MACROD2: variants seen among roughly 807,000 people sequenced by gnomAD.
MACROD2 encodes the protein mono-ADP ribosylhydrolase 2.
Under a neutral mutation model 70.4 loss-of-function variants are expected in MACROD2, and 36 were observed. The ratio of observed to expected loss-of-function variants is 0.51; its 90% CI spans 0.39 to 0.68. The LOEUF (loss-of-function observed/expected upper bound fraction) is 0.68, where lower values mean the gene tolerates loss of function less well. Among genes scored for constraint, MACROD2 ranks in the 30% least tolerant of loss-of-function variants. MACROD2 has a pLI of 0.00. For synonymous variants in MACROD2, 172 were observed against 178.8 expected (o/e 0.96, Z 0.30); for missense variants, 496 against 538.4 (o/e 0.92, Z 0.78).
intron 8 of MACROD2, among the ~76,000 whole-genome samples, chr20:15,579,010 A>G (rs2048487583): frequency 6.6e-6 from 1 of 152,246 alleles, no homozygotes; most frequent in Non-Finnish European, 1.5e-5. Context: ...TGAAAATAAT[A>G]TTGATTCAAG....
At chr20:15,470,083 T>A in intron 7 of MACROD2, among the ~76,000 whole-genome samples, 1 of 152,154 alleles carries the variant, frequency 6.6e-6, no homozygotes. Context: ...AGAGTCTTGC[T>A]CTGTCACCCA....
chr20:15,964,893 G>A (rs908995256), intron 12 of MACROD2, among the ~76,000 whole-genome samples: 7 of 152,272 alleles, frequency 4.6e-5, no homozygotes, highest in Middle Eastern at 3.4e-3. Flanking sequence ...TTATTGATGT[G>A]TGTGGAGGTA....
At chr20:15,057,699 G>A (rs1284378272) in intron 5 of MACROD2, among the ~76,000 whole-genome samples, 1 of 152,154 alleles carries the variant, frequency 6.6e-6, no homozygotes, top group Admixed American at 6.5e-5. Context: ...TAGAAAGCAG[G>A]TGTCTGGGTG....
At chr20:15,087,103 CTT>C (rs3070250) in intron 5 of MACROD2, among the ~76,000 whole-genome samples, 5,340 of 152,110 alleles carry the variant, frequency 0.035, 105 homozygotes, top group Middle Eastern at 0.12. Flanking sequence ...TATTATCTCT[CTT>C]ATTTATCTTT....
chr20:14,657,776 A>G (rs1008486629), intron 4 of MACROD2, among the ~76,000 whole-genome samples: 9 of 152,162 alleles, frequency 5.9e-5, no homozygotes, highest in Admixed American at 2.6e-4. Context: ...TGATAATTCT[A>G]GGGAATTACC....
chr20:14,481,418 T>A (rs2084662035), intron 3 of MACROD2, among the ~76,000 whole-genome samples: 1 of 152,154 alleles, frequency 6.6e-6, no homozygotes, highest in African/African-American at 2.4e-5. Context: ...ATTCCAGATT[T>A]TGTGAGATCA....
intron 1 of MACROD2, among the ~76,000 whole-genome samples, chr20:13,998,045 C>G (rs971735316): frequency 1.3e-5 from 2 of 152,088 alleles, no homozygotes; most frequent in Non-Finnish European, 2.9e-5. Flanking sequence ...ATTCTATAAA[C>G]ATATTTTTAA....
intron 4 of MACROD2, among the ~76,000 whole-genome samples, chr20:14,510,218 G>A (rs2085013642): frequency 6.6e-6 from 1 of 152,002 alleles, no homozygotes; most frequent in Non-Finnish European, 1.5e-5. Context: ...AGGATATGTG[G>A]TCAGATTAAA....
intron 5 of MACROD2, among the ~76,000 whole-genome samples, chr20:15,103,391 C>T (rs984300816): frequency 6.6e-6 from 1 of 152,018 alleles, no homozygotes; most frequent in Non-Finnish European, 1.5e-5. Flanking sequence ...TCCTAGACAT[C>T]CCCAGTAGGT....
At chr20:15,927,888 G>C (rs1269844722) in intron 10 of MACROD2, among the ~76,000 whole-genome samples, 1 of 152,138 alleles carries the variant, frequency 6.6e-6, no homozygotes, top group African/African-American at 2.4e-5. Context: ...GAGAAAAATA[G>C]GTGTTTGCAT....
At chr20:14,204,403 T>A (rs1396218649) in intron 3 of MACROD2, among the ~76,000 whole-genome samples, 1 of 152,160 alleles carries the variant, frequency 6.6e-6, no homozygotes, top group African/African-American at 2.4e-5. Flanking sequence ...CAGGAGCTGT[T>A]GGGTCCTAGA....
chr20:14,967,354 G>A (rs1264490462), intron 5 of MACROD2, among the ~76,000 whole-genome samples: 3 of 147,110 alleles, frequency 2.0e-5, no homozygotes, highest in African/African-American at 5.4e-5. Context: ...AGTAGAGACG[G>A]GGTCTCACCA....
At chr20:15,742,283 G>A (rs772639983) in intron 8 of MACROD2, among the ~76,000 whole-genome samples, 8 of 152,062 alleles carry the variant, frequency 5.3e-5, no homozygotes, top group Admixed American at 1.3e-4. Flanking sequence ...TTCTTATGCT[G>A]TGAGATCCAA....
chr20:14,413,748 T>C (rs191443689), intron 3 of MACROD2, among the ~76,000 whole-genome samples: 14 of 152,282 alleles, frequency 9.2e-5, no homozygotes, highest in Non-Finnish European at 1.8e-4. Flanking sequence ...GAGTTCAGCA[T>C]GACAGAAGTA....
intron 2 of MACROD2, among the ~76,000 whole-genome samples, chr20:14,068,628 AC>A (rs1303290482): frequency 6.6e-6 from 1 of 152,122 alleles, no homozygotes; most frequent in Non-Finnish European, 1.5e-5. Flanking sequence ...AGTTAGGAGT[AC>A]CAGAGGGCTT....
At chr20:14,082,179 T>TTTC (rs1555916945) in intron 2 of MACROD2, among the ~76,000 whole-genome samples, 2 of 124,198 alleles carry the variant, frequency 1.6e-5, no homozygotes, top group African/African-American at 3.2e-5. Context: ...TTTTTTTTCT[T>TTTC]TTTTTTTTTT....
At chr20:15,424,161 C>G (rs929604172) in intron 6 of MACROD2, among the ~76,000 whole-genome samples, 5 of 152,190 alleles carry the variant, frequency 3.3e-5, no homozygotes, top group African/African-American at 4.8e-5. Context: ...CCACGTGAAT[C>G]TTGTGGGGGA....
intron 3 of MACROD2, among the ~76,000 whole-genome samples, chr20:14,389,409 G>A (rs1472502945): frequency 1.8e-5 from 2 of 109,404 alleles, no homozygotes; most frequent in Non-Finnish European, 3.4e-5. Flanking sequence ...GCGACAGGGC[G>A]AGACTTGGTC....
chr20:15,933,904 G>A (rs754751493), intron 11 of MACROD2, among the ~76,000 whole-genome samples: 7 of 152,126 alleles, frequency 4.6e-5, no homozygotes, highest in African/African-American at 1.7e-4. Flanking sequence ...AAGGACAGAT[G>A]TGTCCATTGA....
Sources: allele counts gnomAD v4.1 joint callset (sites outside exome capture counted in the v4.1 genomes callset), GRCh38; gene constraint gnomAD v4.1.1; transcripts MANE v1.5; gene names NCBI Gene and HGNC (gene_info 2026-07-23, HGNC 2026-07-21).